CIMIP6: variants seen among roughly 807,000 people sequenced by gnomAD.
CIMIP6 encodes ciliary microtubule inner protein 6.
the CIMIP6 span, among the ~76,000 whole-genome samples, chr2:54,369,414 A>G: frequency 1.3e-5 from 2 of 152,202 alleles, no homozygotes; most frequent in Non-Finnish European, 2.9e-5. Flanking sequence ...TCTCATCTAC[A>G]TGAACATCAG....
the CIMIP6 span, among the ~76,000 whole-genome samples, chr2:54,370,071 A>G: frequency 6.6e-6 from 1 of 152,134 alleles, no homozygotes; most frequent in Non-Finnish European, 1.5e-5. Context: ...CCTGACCAAC[A>G]TGGTGAAACC....
chr2:54,354,027 G>T, the CIMIP6 span, among the ~76,000 whole-genome samples: 1 of 151,992 alleles, frequency 6.6e-6, no homozygotes, highest in African/African-American at 2.4e-5. Context: ...TCCACCATGC[G>T]CGCACTATTA....
the CIMIP6 span, among the ~76,000 whole-genome samples, chr2:54,372,660 G>A: frequency 6.6e-6 from 1 of 152,128 alleles, no homozygotes; most frequent in Non-Finnish European, 1.5e-5. Flanking sequence ...TCTTCCCCAG[G>A]GTGCCAGGCA....
the CIMIP6 span, among the ~76,000 whole-genome samples, chr2:54,374,747 G>C: frequency 6.6e-6 from 1 of 152,120 alleles, no homozygotes; most frequent in Non-Finnish European, 1.5e-5. Flanking sequence ...GAAAAATAAA[G>C]GCAGAATCAG....
At chr2:54,342,837 T>G in the CIMIP6 span, among the ~76,000 whole-genome samples, 2 of 152,186 alleles carry the variant, frequency 1.3e-5, no homozygotes, top group Non-Finnish European at 2.9e-5. Flanking sequence ...CCTAACTGTA[T>G]TCCAGGAACT....
the CIMIP6 span, among the ~76,000 whole-genome samples, chr2:54,341,691 A>G: frequency 9.2e-5 from 14 of 152,202 alleles, no homozygotes; most frequent in Non-Finnish European, 1.9e-4. Flanking sequence ...TGCTGGTGAT[A>G]TATCTTGGGG....
chr2:54,370,395 G>T, the CIMIP6 span, among the ~76,000 whole-genome samples: 1 of 151,774 alleles, frequency 6.6e-6, no homozygotes, highest in Admixed American at 6.6e-5. Context: ...CTCATAAAAA[G>T]TACCTTGCAA....
At chr2:54,383,390 G>T in the CIMIP6 span, 1 of 152,190 alleles carries the variant, frequency 6.6e-6, no homozygotes, top group Admixed American at 6.5e-5. Flanking sequence ...CTTATATACA[G>T]GCTTAGCTAC....
chr2:54,343,863 T>C, the CIMIP6 span: 2 of 1,600,200 alleles, frequency 1.2e-6, no homozygotes, highest in Admixed American at 1.8e-5. Context: ...AAAAGCCTTC[T>C]TGTGGAATAG....
chr2:54,358,906 G>C, the CIMIP6 span: 6 of 810,332 alleles, frequency 7.4e-6, no homozygotes, highest in African/African-American at 3.5e-5. Context: ...CTGATTATAT[G>C]TCCATAAACA....
At chr2:54,366,664 AG>A in the CIMIP6 span, among the ~76,000 whole-genome samples, 1 of 152,182 alleles carries the variant, frequency 6.6e-6, no homozygotes, top group African/African-American at 2.4e-5. Context: ...TATAAAGGAA[AG>A]ACAACCATAA....
chr2:54,383,213 C>A, the CIMIP6 span: 14 of 152,346 alleles, frequency 9.2e-5, no homozygotes, highest in African/African-American at 3.4e-4. Flanking sequence ...AGAATCTTCC[C>A]ATCTCATTCA....
the CIMIP6 span, among the ~76,000 whole-genome samples, chr2:54,346,356 A>G: frequency 6.6e-6 from 1 of 152,204 alleles, no homozygotes; most frequent in Admixed American, 6.5e-5. Context: ...AACAAGGAAT[A>G]GATGTTTAAG....
chr2:54,353,645 CT>C, the CIMIP6 span, among the ~76,000 whole-genome samples: 1 of 152,042 alleles, frequency 6.6e-6, no homozygotes, highest in Non-Finnish European at 1.5e-5. Context: ...TATTGCATGC[CT>C]TTCGTTAATC....
chr2:54,357,940 A>C, the CIMIP6 span, among the ~76,000 whole-genome samples: 1 of 152,106 alleles, frequency 6.6e-6, no homozygotes, highest in Non-Finnish European at 1.5e-5. Context: ...TTACTTCACT[A>C]AACTTTTTTT....
At chr2:54,380,837 A>G in the CIMIP6 span, among the ~76,000 whole-genome samples, 4 of 152,246 alleles carry the variant, frequency 2.6e-5, no homozygotes, top group African/African-American at 9.6e-5. Flanking sequence ...CATGGGCACA[A>G]AAGACGTAGT....
the CIMIP6 span, chr2:54,360,691 G>A: frequency 4.1e-6 from 4 of 985,380 alleles, no homozygotes; most frequent in Middle Eastern, 3.3e-4. Context: ...AATGGAAAAA[G>A]AGAAAAAAGA....
the CIMIP6 span, among the ~76,000 whole-genome samples, chr2:54,368,846 A>G: frequency 5.5e-3 from 837 of 152,324 alleles, 11 homozygotes; most frequent in African/African-American, 0.019. Flanking sequence ...CTGCTGGGAG[A>G]GTACAACTGG....
At chr2:54,374,652 A>C in the CIMIP6 span, among the ~76,000 whole-genome samples, 79 of 152,380 alleles carry the variant, frequency 5.2e-4, no homozygotes, top group South Asian at 0.015. Context: ...GGGTATCGGA[A>C]AGAAAAGGCT....
Sources: allele counts gnomAD v4.1 joint callset (sites outside exome capture counted in the v4.1 genomes callset), GRCh38; gene constraint gnomAD v4.1.1; transcripts MANE v1.5; gene names NCBI Gene and HGNC (gene_info 2026-07-23, HGNC 2026-07-21).